The following SPAM1 variants were observed in gnomAD, a reference collection of about 807,000 sequenced individuals.
The protein encoded by SPAM1 is sperm adhesion molecule 1, also known as hyaluronidase PH-20.
SPAM1 carries 22 observed loss-of-function variants against 29.6 expected under a neutral mutation model. That is an observed-to-expected ratio of 0.74 (90% confidence interval 0.53 to 1.06). SPAM1 has a LOEUF of 1.06. Among genes scored for constraint, SPAM1 ranks in the 50% least tolerant of loss-of-function variants. The pLI is 0.00. For synonymous variants in SPAM1, 194 were observed against 204.6 expected (o/e 0.95, Z 0.44); for missense variants, 534 against 604.0 (o/e 0.88, Z 1.21).
At position 123,953,641 on chromosome 7, in the gene SPAM1, T is replaced by C; in HGVS notation, c.71T>C (p.Val24Ala). 1 of 1,612,842 alleles carries C rather than the reference T, an allele frequency of 6.2e-7. No individual in the cohort carries two copies. The highest frequency in any genetic ancestry group is 1.1e-5 in the South Asian group (1 of 90,882). ...FVKSSGVSQI[V>A]FTFLLIPCCL... ...AAATCAAGTGGAGTATCCCAGATAG[T>C]TTTCACCTTCCTTCTGATTCCATGT... is the stretch of plus-strand genomic sequence containing the variant. The change falls in exon 3 of 5, where the codon GTT becomes GCT. Residue 24 changes from valine (V) to alanine (A), a missense_variant. By Grantham distance (64) the Val-to-Ala change is moderately conservative. Transcript: ENST00000682466.
intron 1 of SPAM1, among the ~76,000 whole-genome samples, chr7:123,926,650 A>T (rs189194860): frequency 6.6e-6 from 1 of 152,182 alleles, no homozygotes; most frequent in Non-Finnish European, 1.5e-5. Context: ...TTAGTCAAAT[A>T]CGTTTAAGAA....
chr7:123,931,153 G>T (rs1001142148), intron 1 of SPAM1, among the ~76,000 whole-genome samples: 1 of 152,096 alleles, frequency 6.6e-6, no homozygotes, highest in Non-Finnish European at 1.5e-5. Context: ...CATAATGAAG[G>T]CCTCAGAAGC....
At chr7:123,968,567 GT>G (rs1325233272) in intron 5 of SPAM1, among the ~76,000 whole-genome samples, 1 of 151,880 alleles carries the variant, frequency 6.6e-6, no homozygotes, top group African/African-American at 2.4e-5. Context: ...TGAGCATGTT[GT>G]ATTTGAGGTG....
At chr7:123,945,127 G>T (rs999247615) in intron 1 of SPAM1, among the ~76,000 whole-genome samples, 1 of 151,746 alleles carries the variant, frequency 6.6e-6, no homozygotes, top group African/African-American at 2.4e-5. Flanking sequence ...AGATTCTTTT[G>T]CATGTAAAAT....
rs757595114 is a variant in SPAM1 at position 123,954,068 on chromosome 7, T to C, written c.498T>C (p.Asn166=). 3 of 1,613,486 alleles carry C rather than the reference T, an allele frequency of 1.9e-6. No homozygotes were observed. Among genetic ancestry groups the C allele is most frequent in the Non-Finnish European group, 2.5e-6 (3 of 1,179,714 alleles). ...GGAAACCTAAAGATGTTTACAAGAA[T>C]AGGTCTATTGAATTGGTTCAGCAAC... is the stretch of plus-strand genomic sequence containing the variant. ...RNWKPKDVYK[N]RSIELVQQQN... The change falls in exon 3 of 5, where the codon AAT becomes AAC. Residue 166 remains asparagine, a synonymous_variant. Transcript: ENST00000682466.
At chr7:123,951,448 C>A (rs1349691089) in intron 2 of SPAM1, among the ~76,000 whole-genome samples, 1 of 152,096 alleles carries the variant, frequency 6.6e-6, no homozygotes, top group African/African-American at 2.4e-5. Context: ...ACTTCTAGGT[C>A]TAATCCTCAA....
chr7:123,958,709 A>G (rs1413082156), intron 4 of SPAM1, among the ~76,000 whole-genome samples: 2 of 151,768 alleles, frequency 1.3e-5, no homozygotes, highest in Non-Finnish European at 2.9e-5. Context: ...GCATGTGCCT[A>G]TAGTTCCAGC....
chr7:123,940,120 G>A (rs1045243677), intron 1 of SPAM1, among the ~76,000 whole-genome samples: 4 of 151,630 alleles, frequency 2.6e-5, no homozygotes, highest in African/African-American at 9.7e-5. Context: ...CTGCACTGTG[G>A]CTTCTGATTG....
chr7:123,938,711 G>A (rs1808332940), intron 1 of SPAM1, among the ~76,000 whole-genome samples: 1 of 152,156 alleles, frequency 6.6e-6, no homozygotes, highest in African/African-American at 2.4e-5. Flanking sequence ...TCATCTGACT[G>A]GTCGAGAGAA....
intron 1 of SPAM1, among the ~76,000 whole-genome samples, chr7:123,945,639 T>C (rs1808554533): frequency 6.6e-6 from 1 of 152,194 alleles, no homozygotes; most frequent in African/African-American, 2.4e-5. Context: ...AAGAGGTGCC[T>C]GTGTTCTGAG....
intron 1 of SPAM1, among the ~76,000 whole-genome samples, chr7:123,927,273 A>C (rs151092344): frequency 3.9e-5 from 6 of 152,268 alleles, no homozygotes; most frequent in Admixed American, 2.6e-4. Flanking sequence ...AAACAATCCT[A>C]TTCTTTTCAT....
At chr7:123,957,095 C>T (rs1238397361) in intron 4 of SPAM1, among the ~76,000 whole-genome samples, 1 of 151,766 alleles carries the variant, frequency 6.6e-6, no homozygotes, top group Non-Finnish European at 1.5e-5. Flanking sequence ...TTCTCATGTC[C>T]CTTATATTGG....
chr7:123,952,104 T>C lies in SPAM1; in HGVS notation c.-206-1261T>C, dbSNP rs139663975. ...TTGGTATTTAAAAGCAATTAGTTTT[T>C]CCCCCTAATATTATTTTAGGTGAAG... is the stretch of plus-strand genomic sequence containing the variant. On this transcript the variant is annotated intron_variant, in intron 2 of 4. Transcript: ENST00000682466. Among the ~76,000 whole-genome samples, 19 of 152,160 alleles carry C rather than the reference T, an allele frequency of 1.2e-4. No individual in the cohort carries two copies. In the East Asian group the frequency reaches 3.3e-3, roughly 26 times the overall value.
chr7:123,939,657 T>C (rs555332475), intron 1 of SPAM1, among the ~76,000 whole-genome samples: 1 of 152,368 alleles, frequency 6.6e-6, no homozygotes, highest in South Asian at 2.1e-4. Context: ...GATTTTCTGC[T>C]AATCAAACTC....
intron 1 of SPAM1, among the ~76,000 whole-genome samples, chr7:123,940,174 C>T (rs1808386986): frequency 6.6e-6 from 1 of 151,780 alleles, no homozygotes; most frequent in Non-Finnish European, 1.5e-5. Flanking sequence ...TAAAGTGTCA[C>T]CATTGGTCAT....
chr7:123,925,964 C>T (rs1270170667), intron 1 of SPAM1: 1 of 152,000 alleles, frequency 6.6e-6, no homozygotes, highest in Non-Finnish European at 1.5e-5. Context: ...GGGGACATGC[C>T]TGATGCCATA....
chr7:123,940,459 A>G (rs1412513879), intron 1 of SPAM1, among the ~76,000 whole-genome samples: 2 of 151,606 alleles, frequency 1.3e-5, no homozygotes, highest in African/African-American at 4.8e-5. Context: ...TTTTAATACA[A>G]CATAATTAGT....
chr7:123,964,638 C>A (rs918646553), downstream of SPAM1, among the ~76,000 whole-genome samples: 3 of 151,914 alleles, frequency 2.0e-5, no homozygotes, highest in Non-Finnish European at 4.4e-5. Flanking sequence ...GATCCTCCCA[C>A]CTCAGCCTCC....
At chr7:123,954,639 T>G in intron 3 of SPAM1, 115 bp downstream of exon 3, 1 of 680,116 alleles carries the variant, frequency 1.5e-6, no homozygotes, top group Non-Finnish European at 2.4e-6. Flanking sequence ...GTCAGGAATG[T>G]GTACACAAGT....
Sources: allele counts gnomAD v4.1 joint callset (sites outside exome capture counted in the v4.1 genomes callset), GRCh38; gene constraint gnomAD v4.1.1; transcripts MANE v1.5; gene names NCBI Gene and HGNC (gene_info 2026-07-23, HGNC 2026-07-21).